Variants in TLE1 observed in about 807,000 individuals in gnomAD.
TLE1 encodes transducin-like enhancer protein 1.
Under a neutral mutation model 89.8 loss-of-function variants are expected in TLE1, and 21 were observed. The observed-to-expected ratio is 0.23, with a 90% confidence interval of 0.17 to 0.34. TLE1 has a LOEUF of 0.34. TLE1 is among the 10% of genes least tolerant of loss of function. The pLI, the probability that TLE1 is intolerant of heterozygous loss-of-function variation, is 1.00. For synonymous variants in TLE1, 447 were observed against 407.6 expected (o/e 1.10, Z -1.16); for missense variants, 795 against 1,031.2 (o/e 0.77, Z 3.14).
At chr9:81,594,475 T>C (rs995296630) in intron 14 of TLE1, among the ~76,000 whole-genome samples, 1 of 151,966 alleles carries the variant, frequency 6.6e-6, no homozygotes, top group East Asian at 1.9e-4. Flanking sequence ...AAATGGGAGT[T>C]GGACAATGAG....
Position 81,667,521 on chromosome 9 carries a change from A to ACTCTCCTTCCTGAG in TLE1, c.235-13486_235-13485insCTCAGGAAGGAGAG, listed in dbSNP as rs1207005655. 2.0e-5 allele frequency among the ~76,000 whole-genome samples: 3 copies of ACTCTCCTTCCTGAG among 152,160 alleles called. No homozygotes were observed. In the East Asian group the frequency reaches 5.8e-4, roughly 29 times the overall value. On this transcript the variant is annotated intron_variant, in intron 4 of 19. Coordinates refer to ENST00000376499, the MANE Select transcript of TLE1 (RefSeq NM_005077.5). ...GGGCCATGCTACAGCTGAATGACCCACATACATGAGTAACAGCTGCCACTC... is the reference window on the plus strand; with the variant it reads ...GGGCCATGCTACAGCTGAATGACCCACTCTCCTTCCTGAGCATACATGAGTAACAGCTGCCACTC...
intron 4 of TLE1, among the ~76,000 whole-genome samples, chr9:81,657,180 T>C (rs1830240831): frequency 6.6e-6 from 1 of 152,216 alleles, no homozygotes; most frequent in Admixed American, 6.5e-5. Context: ...TTTTTGTCCT[T>C]TGGTGGTGCT....
At chr9:81,610,382 G>A in intron 13 of TLE1, 86 bp from the exon 14 acceptor site, 1 of 969,410 alleles carries the variant, frequency 1.0e-6, no homozygotes, top group Non-Finnish European at 1.6e-6. Context: ...GAAACTCACA[G>A]ATCCCCAAAG....
chr9:81,628,433 C>A (rs891019715), intron 8 of TLE1, among the ~76,000 whole-genome samples: 5 of 151,526 alleles, frequency 3.3e-5, no homozygotes, highest in African/African-American at 1.2e-4. Context: ...CGTGATTTTT[C>A]TTTTTTTTTC....
intron 14 of TLE1, among the ~76,000 whole-genome samples, chr9:81,598,118 C>A (rs1469833500): frequency 6.6e-6 from 1 of 152,140 alleles, no homozygotes; most frequent in Non-Finnish European, 1.5e-5. Context: ...GCTATATTAA[C>A]AAGGATCAAA....
chr9:81,641,386 C>T (rs4877668), intron 6 of TLE1, among the ~76,000 whole-genome samples: 31,059 of 151,980 alleles, frequency 0.2, 3,771 homozygotes, highest in East Asian at 0.48. Flanking sequence ...CAGGAAGAAA[C>T]TGCTTATGGG....
At chr9:81,653,153 C>T (rs1829762164) in intron 5 of TLE1, among the ~76,000 whole-genome samples, 1 of 152,160 alleles carries the variant, frequency 6.6e-6, no homozygotes, top group Admixed American at 6.5e-5. Context: ...ATCAGACAGA[C>T]AAAGGTTATG....
intron 8 of TLE1, among the ~76,000 whole-genome samples, chr9:81,624,934 T>A (rs1825726625): frequency 6.6e-6 from 1 of 152,130 alleles, no homozygotes; most frequent in Admixed American, 6.5e-5. Context: ...CAAATAATTT[T>A]CTACACCTAC....
At chr9:81,645,746 A>C (rs1428651826) in intron 6 of TLE1, among the ~76,000 whole-genome samples, 1 of 82,290 alleles carries the variant, frequency 1.2e-5, no homozygotes, top group Non-Finnish European at 2.9e-5. Context: ...GTCTCCAAAA[A>C]AATAAAATAA....
In TLE1 at chr9:81,686,054, G is replaced by A. The variant is rs116045871; in HGVS notation, c.126-158C>T. Among the ~76,000 whole-genome samples the A allele has an allele frequency of 2.3e-3, 347 of 152,186 alleles. 4 individuals are homozygous for A. The highest frequency in any genetic ancestry group is 7.8e-3 in the African/African-American group (322 of 41,508). ...AAAGCTTTGTCCTTGCATTTAATAG[G>A]GAAAAGGAATAATGTGAACAATACA... is the stretch of plus-strand genomic sequence containing the variant. On this transcript the variant is annotated intron_variant, in intron 2 of 19. Transcript: ENST00000376499.
intron 4 of TLE1, among the ~76,000 whole-genome samples, chr9:81,665,081 G>A (rs1024826566): frequency 6.6e-6 from 1 of 152,158 alleles, no homozygotes; most frequent in Non-Finnish European, 1.5e-5. Context: ...AGACAGTGGA[G>A]AGGAGAGGTC....
intron 6 of TLE1, among the ~76,000 whole-genome samples, chr9:81,649,168 G>C (rs1053305528): frequency 6.6e-6 from 1 of 152,162 alleles, no homozygotes; most frequent in African/African-American, 2.4e-5. Flanking sequence ...TACCTAAGAA[G>C]CTTATTTTTC....
chr9:81,677,041 A>G (rs1832984414), intron 4 of TLE1, among the ~76,000 whole-genome samples: 1 of 151,970 alleles, frequency 6.6e-6, no homozygotes. Context: ...GTTCAAGACC[A>G]GCCTGGACAA....
chr9:81,676,714 T>G (rs1832946907), intron 4 of TLE1, among the ~76,000 whole-genome samples: 1 of 152,112 alleles, frequency 6.6e-6, no homozygotes, highest in South Asian at 2.1e-4. Flanking sequence ...ATGGATGTAA[T>G]CCCAAGACCC....
In TLE1 at chr9:81,590,869, A is replaced by T. The variant is rs1310246412; in HGVS notation, c.1765T>A (p.Cys589Ser). 1 of 1,614,256 alleles carries T rather than the reference A, an allele frequency of 6.2e-7. No homozygotes were observed. The highest frequency in any genetic ancestry group is 1.7e-5 in the Admixed American group (1 of 60,032). ...ALAISPDSKV[C>S]FSCCSDGNIA... Reference sequence around the variant, plus strand: ...TTGCCGTCGCTGCAGCATGAGAAGCAGACCTTGGAATCGGGGCTGATGGCC... The same window carrying T: ...TTGCCGTCGCTGCAGCATGAGAAGCTGACCTTGGAATCGGGGCTGATGGCC... The change falls in exon 16 of 20, where the codon TGC becomes AGC. Residue 589 changes from cysteine to serine, a missense_variant. Physicochemically the swap from Cys to Ser is moderately radical, Grantham distance 112. Around this residue, in one of 4 missense-constraint regions of TLE1, gnomAD observed 214 missense variants for 354.9 expected, o/e 0.60. Coordinates refer to ENST00000376499, the MANE Select transcript of TLE1 (RefSeq NM_005077.5).
At chr9:81,675,256 C>T (rs536170751) in intron 4 of TLE1, among the ~76,000 whole-genome samples, 228 of 152,178 alleles carry the variant, frequency 1.5e-3, no homozygotes, top group Non-Finnish European at 2.4e-3. Context: ...CTGTGTATTT[C>T]TCTTTTATTC....
rs1010906160 is a variant in TLE1, at chr9:81,688,345, G to A, written c.-105C>T. Reference sequence around the variant, plus strand: ...AATTAAGCCGGAAAGCCAAGCAGAAGCGGGGAGCGCGCTGGCCACGCACGC... The same window carrying A: ...AATTAAGCCGGAAAGCCAAGCAGAAACGGGGAGCGCGCTGGCCACGCACGC... On this transcript the variant is annotated 5_prime_UTR_variant, in exon 1 of 20. Transcript: ENST00000376499. 128 of 1,282,708 alleles carry A rather than the reference G, an allele frequency of 1.0e-4. No homozygotes were observed. Among genetic ancestry groups the A allele is most frequent in the Admixed American group, 2.3e-4 (6 of 25,634 alleles). The allele number at this position is 1,282,708 out of a possible 1,614,324, so 79.5% of individuals were successfully genotyped here.
chr9:81,663,486 C>T (rs1376532814), intron 4 of TLE1, among the ~76,000 whole-genome samples: 1 of 152,166 alleles, frequency 6.6e-6, no homozygotes, highest in African/African-American at 2.4e-5. Context: ...ACAGCCCAAA[C>T]AGGGCTGCAG....
chr9:81,679,505 GA>G (rs1178217867), intron 4 of TLE1, among the ~76,000 whole-genome samples: 1 of 151,448 alleles, frequency 6.6e-6, no homozygotes, highest in Non-Finnish European at 1.5e-5. Flanking sequence ...ACCTCACGGG[GA>G]AAAAAAATCA....
Sources: gnomAD v4.1 joint callset for allele counts (sites outside exome capture counted in the v4.1 genomes callset) on GRCh38, gnomAD v4.1.1 for gene constraint, gnomAD v4.1.1 regional missense constraint, MANE v1.5 for transcripts, NCBI Gene and HGNC (gene_info 2026-07-23, HGNC 2026-07-21) for gene names.